USP45: variants seen among roughly 807,000 people sequenced by gnomAD.
USP45 encodes the protein ubiquitin specific peptidase 45, also known as ubiquitin carboxyl-terminal hydrolase 45.
In USP45, 89 loss-of-function variants were observed where a neutral mutation model predicts 95.8. The observed-to-expected ratio is 0.93, with a 90% CI of 0.78 to 1.11. The LOEUF is 1.11. Among genes scored for constraint, USP45 ranks in the 50% least tolerant of loss-of-function variants. USP45 has a pLI of 0.00. For synonymous variants in USP45, 281 were observed against 316.2 expected, an observed-to-expected ratio of 0.89 and a Z score of 1.18; for missense variants, 898 against 942.5, an observed-to-expected ratio of 0.95 and a Z score of 0.62.
At chr6:99,458,460 C>CA (rs1455448646) in intron 13 of USP45, among the ~76,000 whole-genome samples, 1 of 152,208 alleles carries the variant, frequency 6.6e-6, no homozygotes, top group African/African-American at 2.4e-5. Context: ...GCAGATCCTG[C>CA]AATCCATCCC....
intron 13 of USP45, chr6:99,462,570 C>T (rs1238953147): frequency 5.1e-6 from 5 of 985,384 alleles, no homozygotes; most frequent in Non-Finnish European, 4.8e-6. Flanking sequence ...AGCATATGCT[C>T]AAATTGAATT....
intron 13 of USP45, among the ~76,000 whole-genome samples, chr6:99,456,895 G>A (rs1262007979): frequency 6.6e-6 from 1 of 152,338 alleles, no homozygotes. Context: ...GCAAATGGGA[G>A]AAATATCGCT....
chr6:99,473,763 A>C (rs1374156124), intron 9 of USP45, among the ~76,000 whole-genome samples: 1 of 22,454 alleles, frequency 4.5e-5, no homozygotes, highest in African/African-American at 1.8e-4. Flanking sequence ...TCAAAAAAAA[A>C]ACAAAAAAAA....
At chr6:99,511,774 T>G (rs1220579478) in intron 1 of USP45, among the ~76,000 whole-genome samples, 2 of 150,992 alleles carry the variant, frequency 1.3e-5, no homozygotes, top group Non-Finnish European at 2.9e-5. Context: ...TATTAACAAT[T>G]AGCTATGTTT....
Position 99,502,044 on chromosome 6 carries a change from G to T in USP45, c.478+1721C>A, listed in dbSNP as rs967028740. 4 of 1,286,142 alleles carry T rather than the reference G, an allele frequency of 3.1e-6. No homozygotes were observed. The Admixed American group carries it at 1.0e-4, about 33-fold the overall frequency. 79.7% of individuals were successfully genotyped at this position (1,286,142 alleles called of 1,614,324 possible). ...AGACCAACCATGTGATTAGAATGTT[G>T]GGGGCCTAGAGACTGAGTTAAATCA... On this transcript the variant is annotated intron_variant, in intron 5 of 17. Coordinates refer to ENST00000500704, the MANE Select transcript of USP45 (RefSeq NM_001346022.3).
At chr6:99,468,507 G>T in intron 10 of USP45, 30 bp downstream of exon 10, 3 of 1,412,254 alleles carry the variant, frequency 2.1e-6, no homozygotes, top group South Asian at 1.3e-5. Flanking sequence ...TTTTCTTAAA[G>T]AAAAAAGTTT....
chr6:99,496,361 A>T (rs1221763281), intron 5 of USP45, among the ~76,000 whole-genome samples: 1 of 151,940 alleles, frequency 6.6e-6, no homozygotes. Context: ...TTATACTCAG[A>T]TGGAGTTTCA....
At chr6:99,452,022 A>C (rs1392476411) in intron 13 of USP45, among the ~76,000 whole-genome samples, 1 of 152,230 alleles carries the variant, frequency 6.6e-6, no homozygotes, top group Non-Finnish European at 1.5e-5. Context: ...CTTATACAAA[A>C]ATTAATTCAA....
At chr6:99,455,996 G>C (rs189773453) in intron 13 of USP45, among the ~76,000 whole-genome samples, 111 of 151,784 alleles carry the variant, frequency 7.3e-4, no homozygotes, top group African/African-American at 2.4e-3. Context: ...AACCGGGCTT[G>C]ATGGCGGGCA....
intron 9 of USP45, among the ~76,000 whole-genome samples, chr6:99,473,819 A>C (rs1259535045): frequency 3.0e-5 from 2 of 67,030 alleles, no homozygotes; most frequent in Non-Finnish European, 6.3e-5. Flanking sequence ...CAGAACATCT[A>C]CTATGTGCAA....
chr6:99,497,975 T>C (rs1025139781), intron 5 of USP45, among the ~76,000 whole-genome samples: 8 of 152,336 alleles, frequency 5.3e-5, no homozygotes, highest in Middle Eastern at 3.4e-3. Context: ...TTCTTCTAAA[T>C]AGAATTGGCC....
intron 13 of USP45, among the ~76,000 whole-genome samples, chr6:99,455,122 A>C (rs1405502980): frequency 1.3e-5 from 2 of 151,232 alleles, no homozygotes; most frequent in Admixed American, 6.6e-5. Flanking sequence ...AAAAAACAAA[A>C]CACAACAGTA....
In USP45 at chr6:99,502,947, C is replaced by T. The variant is rs112167000; in HGVS notation, c.478+818G>A. Among the ~76,000 whole-genome samples, 1,128 of 152,314 alleles carry T rather than the reference C, an allele frequency of 7.4e-3. 10 individuals carry two copies. Among genetic ancestry groups the T allele is most frequent in the Non-Finnish European group, 0.012 (828 of 68,028 alleles). Reference sequence around the variant, plus strand: ...CTGAGCTGATGACAGCAGCAGGCTTCCTGCACAACATGTGGAACTGTGAGC... The same window carrying T: ...CTGAGCTGATGACAGCAGCAGGCTTTCTGCACAACATGTGGAACTGTGAGC... On this transcript the variant is annotated intron_variant, in intron 5 of 17. Transcript: ENST00000500704.
At chr6:99,468,649 A>G (rs1296602936) in intron 9 of USP45, 31 bp from the exon 10 acceptor site, 3 of 1,458,954 alleles carry the variant, frequency 2.1e-6, no homozygotes, top group Non-Finnish European at 2.9e-6. Context: ...ATTCTGGTCT[A>G]ATAATAGTTA....
intron 2 of USP45, 122 bp downstream of exon 2, chr6:99,509,999 G>A (rs1482308201): frequency 1.4e-6 from 1 of 732,968 alleles, no homozygotes. Context: ...TTCCATCTAG[G>A]TTTGGTGGAA....
intron 16 of USP45, among the ~76,000 whole-genome samples, chr6:99,439,397 G>A (rs1297905624): frequency 6.6e-6 from 1 of 152,168 alleles, no homozygotes; most frequent in Non-Finnish European, 1.5e-5. Context: ...CTTCTACACT[G>A]ATTTGCAAAA....
intron 14 of USP45, among the ~76,000 whole-genome samples, chr6:99,444,027 T>C (rs1305603310): frequency 6.6e-6 from 1 of 152,022 alleles, no homozygotes; most frequent in East Asian, 1.9e-4. Flanking sequence ...TCTAATTTTT[T>C]TTTTTTCTTT....
rs140318066 is a variant in USP45 at position 99,482,783 on chromosome 6, G to C, written c.815C>G (p.Pro272Arg). 1 of 1,605,534 alleles carries C rather than the reference G, an allele frequency of 6.2e-7. No homozygotes were observed. The highest frequency in any genetic ancestry group is 2.2e-5 in the East Asian group (1 of 44,602). ...ACAAAGCTGATTAAAAAGAACTTTA[G>C]GAGAAAGTGGTCCTTTTTCAGTCTC... is the stretch of plus-strand genomic sequence containing the variant. ...MKETEKGPLS[P>R]KVLFNQLCQK... The change falls in exon 8 of 18, where the codon CCT (proline) becomes CGT (arginine). Residue 272 changes from proline to arginine, a missense_variant. Coordinates refer to ENST00000500704, the MANE Select transcript of USP45 (RefSeq NM_001346022.3).
intron 13 of USP45, among the ~76,000 whole-genome samples, chr6:99,453,173 GA>G (rs35773193): frequency 1.3e-4 from 18 of 140,724 alleles, no homozygotes; most frequent in African/African-American, 4.7e-4. Flanking sequence ...ACTTAAAAAA[GA>G]AAAAAAAAAA....
Sources: gnomAD v4.1 joint callset for allele counts (sites outside exome capture counted in the v4.1 genomes callset) on GRCh38, gnomAD v4.1.1 for gene constraint, MANE v1.5 for transcripts, NCBI Gene and HGNC (gene_info 2026-07-23, HGNC 2026-07-21) for gene names.